Variants in SH3D21 observed in about 807,000 individuals in gnomAD.
SH3D21 encodes manchette microtubule inner protein 1, also known as SH3 domain-containing protein 21.
In SH3D21, 83 loss-of-function variants were observed where a neutral mutation model predicts 82.1. The observed-to-expected ratio is 1.01, with a 90% confidence interval of 0.85 to 1.21. SH3D21 has a LOEUF of 1.21. Ranked by LOEUF, SH3D21 falls within the 50% of genes most tolerant of loss-of-function variation. The pLI, the probability that SH3D21 is intolerant of heterozygous loss-of-function variation, is 0.00. For synonymous variants in SH3D21, 383 were observed against 387.8 expected, an observed-to-expected ratio of 0.99 and a Z score of 0.15; for missense variants, 980 against 962.1, an observed-to-expected ratio of 1.02 and a Z score of -0.25.
At position 36,308,100 on chromosome 1, in the gene SH3D21, T is replaced by C. The variant is rs2124671766; in HGVS notation, c.539-9T>C. 1 of 1,546,042 alleles carries C rather than the reference T, an allele frequency of 6.5e-7. No individual in the cohort carries two copies. Among genetic ancestry groups the C allele is most frequent in the East Asian group, 2.4e-5 (1 of 40,864 alleles). ...GGCTTCAGAGGACAGTGGACTGACC[T>C]CTTCCCAGTCTCCCACCCTGAGGTC... On this transcript the variant is annotated splice_polypyrimidine_tract_variant and intron_variant, in intron 7 of 15. Coordinates refer to ENST00000453908, the MANE Select transcript of SH3D21 (RefSeq NM_001162530.2).
chr1:36,320,428 C>G lies in SH3D21; in HGVS notation c.1765C>G (p.Pro589Ala). The change falls in exon 14 of 16, where the codon CCA becomes GCA. Residue 589 changes from proline (P) to alanine (A), a missense_variant. Physicochemically the swap from Pro to Ala is conservative, Grantham distance 27 (BLOSUM62 -1). Transcript: ENST00000453908. Reference protein sequence around the residue: ...PHPHEEATTLPEEAPSNDERT... With the variant: ...PHPHEEATTLAEEAPSNDERT... Reference sequence around the variant, plus strand: ...CCCCCACGAAGAGGCTACAACCCTTCCAGAGGAGGCACCTTCCAATGACGA... The same window carrying G: ...CCCCCACGAAGAGGCTACAACCCTTGCAGAGGAGGCACCTTCCAATGACGA... 1 of 1,612,976 alleles carries G rather than the reference C, an allele frequency of 6.2e-7. No individual in the cohort carries two copies. The highest frequency in any genetic ancestry group is 8.5e-7 in the Non-Finnish European group (1 of 1,179,656).
chr1:36,320,187 G>A lies in SH3D21; in HGVS notation c.1524G>A (p.Ser508=), dbSNP rs373656908. 3.7e-6 allele frequency: 6 copies of A among 1,613,464 alleles called. No individual in the cohort carries two copies. Among genetic ancestry groups the A allele is most frequent in the Admixed American group, 3.3e-5 (2 of 60,028 alleles). The change falls in exon 14 of 16, where the codon TCG becomes TCA. Residue 508 remains serine, a synonymous_variant. Transcript: ENST00000453908. Reference sequence around the variant, plus strand: ...ACATTCAATTCCATCACTTCTCTTCGGAGGAAGCCCTGCAGAAGGTCAAGT... The same window carrying A: ...ACATTCAATTCCATCACTTCTCTTCAGAGGAAGCCCTGCAGAAGGTCAAGT... ...RDDIQFHHFS[S]EEALQKVKYF...
intron 12 of SH3D21, 38 bp from the exon 13 acceptor site, chr1:36,319,404 C>T (rs1227042435): frequency 6.4e-7 from 1 of 1,550,704 alleles, no homozygotes; most frequent in Admixed American, 2.0e-5. Flanking sequence ...GACTGAGGGT[C>T]AGAGTAGGCT....
At position 36,307,605 on chromosome 1, in the gene SH3D21, C is replaced by T; in HGVS notation, c.434C>T (p.Pro145Leu). The T allele has an allele frequency of 6.4e-7, 1 of 1,551,544 alleles. No individual in the cohort carries two copies. Among genetic ancestry groups the T allele is most frequent in the South Asian group, 1.2e-5 (1 of 84,042 alleles). ...GTGGAATTGCTGGACAGTGGGCCCC[C>T]AAGTGAGACCTCGACTCTGTGACCC... ...NFVELLDSGP[P>L]SLGNPDMPSV... Residue 145 changes from proline to leucine, a missense_variant and splice_region_variant, in exon 5 of 16, where the codon CCA becomes CTA. Pro to Leu is a moderately conservative substitution (Grantham distance 98). Coordinates refer to ENST00000453908, the MANE Select transcript of SH3D21 (RefSeq NM_001162530.2). This position sits in a 1 kb window ranked among gnomAD's most constrained non-coding sequence, Gnocchi z 5.4.
intron 10 of SH3D21, among the ~76,000 whole-genome samples, chr1:36,314,464 CT>C (rs56283418): frequency 4.0e-3 from 532 of 132,798 alleles, no homozygotes; most frequent in Middle Eastern, 0.012. Flanking sequence ...TTCTCCCATT[CT>C]TTTTTTTTTT....
rs551856822 is a variant in SH3D21, at chr1:36,307,080, C to T, written c.227-87C>T. ...CGCCCTGGGGCGGGGCTGGAGGGACCAAAGGCTACGTGCGCGCCTTGCGCT... is the reference window on the plus strand; with the variant it reads ...CGCCCTGGGGCGGGGCTGGAGGGACTAAAGGCTACGTGCGCGCCTTGCGCT... On this transcript the variant is annotated intron_variant, in intron 3 of 15. Transcript: ENST00000453908. This position sits in a 1 kb window ranked among gnomAD's most constrained non-coding sequence, Gnocchi z 5.4. 1.6e-4 allele frequency: 244 copies of T among 1,530,290 alleles called. No individual in the cohort carries two copies. The African/African-American group carries it at 2.9e-3, about 18-fold the overall frequency. 94.8% of individuals were successfully genotyped at this position (1,530,290 alleles called of 1,614,324 possible).
chr1:36,326,630 G>A (rs905543444), downstream of SH3D21, among the ~76,000 whole-genome samples: 6 of 152,178 alleles, frequency 3.9e-5, no homozygotes, highest in Non-Finnish European at 7.3e-5. Context: ...TCCCTGTGGT[G>A]GCTCAGTGTA....
Position 36,319,073 on chromosome 1 carries a change from C to G in SH3D21, c.772C>G (p.Pro258Ala). 1 of 1,538,482 alleles carries G rather than the reference C, an allele frequency of 6.5e-7. No homozygotes were observed. The highest frequency in any genetic ancestry group is 2.4e-5 in the East Asian group (1 of 40,844). Residue 258 changes from proline to alanine, a missense_variant and splice_region_variant, in exon 11 of 16, where the codon CCT (proline) becomes GCT (alanine). By Grantham distance (27) the Pro-to-Ala change is conservative. Transcript: ENST00000453908. Reference sequence around the variant, plus strand: ...GTGCTCCACTCCTCTCTTCCCAGCTCCTATTAAGGAACCAAAAAAGTTGAT... The same window carrying G: ...GTGCTCCACTCCTCTCTTCCCAGCTGCTATTAAGGAACCAAAAAAGTTGAT... ...PRKVVSRESA[P>A]IKEPKKLMPK...
At chr1:36,313,712 G>A (rs908068175) in intron 10 of SH3D21, among the ~76,000 whole-genome samples, 65 of 151,788 alleles carry the variant, frequency 4.3e-4, no homozygotes, top group Admixed American at 2.6e-4. Flanking sequence ...CTATAGGTGT[G>A]CACCACCACA....
chr1:36,307,090 G>A lies in SH3D21; in HGVS notation c.227-77G>A. 6.5e-7 allele frequency: 1 copy of A among 1,537,906 alleles called. No homozygotes were observed. The highest frequency in any genetic ancestry group is 8.8e-7 in the Non-Finnish European group (1 of 1,139,568). ...CGGGGCTGGAGGGACCAAAGGCTAC[G>A]TGCGCGCCTTGCGCTTCCCCCAGCT... is the stretch of plus-strand genomic sequence containing the variant. On this transcript the variant is annotated intron_variant, in intron 3 of 15. Transcript: ENST00000453908. The surrounding 1 kb of genome is among the most constrained non-coding windows in gnomAD (Gnocchi z 5.4).
intron 10 of SH3D21, among the ~76,000 whole-genome samples, chr1:36,313,530 T>TTATG (rs1646280481): frequency 6.6e-6 from 1 of 152,082 alleles, no homozygotes; most frequent in South Asian, 2.1e-4. Flanking sequence ...TTTAACTATT[T>TTATG]TATGTAAGTT....
chr1:36,326,552 G>A (rs979464258), downstream of SH3D21, among the ~76,000 whole-genome samples: 1 of 152,212 alleles, frequency 6.6e-6, no homozygotes, highest in Admixed American at 6.5e-5. Context: ...TTTAATGTAA[G>A]TGTGGTGGGG....
intron 10 of SH3D21, among the ~76,000 whole-genome samples, chr1:36,317,058 T>G (rs1557480887): frequency 6.6e-6 from 1 of 152,324 alleles, no homozygotes; most frequent in Admixed American, 6.5e-5. Context: ...ATATAATTGC[T>G]TCCTAGTGGG....
In SH3D21 at chr1:36,321,162, GCTGGGGCCAC is replaced by G; in HGVS notation, c.*37_*46del. ...TGGGAAGGGACCGCGGCCTGACCTG[GCTGGGGCCAC>G]CCACGTCCTTGCACACGACTTTGGG... is the stretch of plus-strand genomic sequence containing the variant. On this transcript the variant is annotated 3_prime_UTR_variant, in exon 16 of 16. Coordinates refer to ENST00000453908, the MANE Select transcript of SH3D21 (RefSeq NM_001162530.2). The surrounding 1 kb of genome is among the most constrained non-coding windows in gnomAD (Gnocchi z 6.1). 6.2e-7 allele frequency: 1 copy of G among 1,600,658 alleles called. No homozygotes were observed. The highest frequency in any genetic ancestry group is 8.5e-7 in the Non-Finnish European group (1 of 1,174,174).
Position 36,307,071 on chromosome 1 carries a change from T to C in SH3D21, c.227-96T>C, listed in dbSNP as rs1440844591. ...GCAATGCTCCGCCCTGGGGCGGGGC[T>C]GGAGGGACCAAAGGCTACGTGCGCG... On this transcript the variant is annotated intron_variant, in intron 3 of 15. Coordinates refer to ENST00000453908, the MANE Select transcript of SH3D21 (RefSeq NM_001162530.2). The surrounding 1 kb of genome is among the most constrained non-coding windows in gnomAD (Gnocchi z 5.4). 1.4e-5 allele frequency: 22 copies of C among 1,519,904 alleles called. No individual in the cohort carries two copies. Among genetic ancestry groups the C allele is most frequent in the Non-Finnish European group, 1.9e-5 (21 of 1,130,452 alleles). The allele number at this position is 1,519,904 out of a possible 1,614,324, so 94.2% of individuals were successfully genotyped here. A position where few individuals can be genotyped will look rare whatever the true frequency, so the allele number is the denominator to read the frequency against.
At chr1:36,322,400 G>A, downstream of SH3D21, 1 of 1,599,616 alleles carries the variant, frequency 6.3e-7, no homozygotes, top group Non-Finnish European at 8.5e-7. Context: ...TCTCCCGCAG[G>A]ATCCGTTCGC....
downstream of SH3D21, chr1:36,321,810 G>T: frequency 9.9e-7 from 1 of 1,006,504 alleles, no homozygotes; most frequent in Admixed American, 5.4e-5. The surrounding 1 kb of genome is among the most constrained non-coding windows in gnomAD (Gnocchi z 6.1). Flanking sequence ...AGGAATGCGC[G>T]CGCGCTTGCT....
At position 36,313,964 on chromosome 1, in the gene SH3D21, C is replaced by T. The variant is rs182503995; in HGVS notation, c.769+4374C>T. Among the ~76,000 whole-genome samples the T allele has an allele frequency of 2.6e-3, 160 of 61,608 alleles. 4 individuals carry two copies. Among genetic ancestry groups the T allele is most frequent in the East Asian group, 0.02 (41 of 2,040 alleles). 40.4% of individuals were successfully genotyped at this position (61,608 alleles called of 152,430 possible). A position where few individuals can be genotyped will look rare whatever the true frequency, so the allele number is the denominator to read the frequency against. Reference sequence around the variant, plus strand: ...TTCTCTGATGGCTAATGATGCTGAACATATTTTCTTTTTTTTTTTTTTTTT... The same window carrying T: ...TTCTCTGATGGCTAATGATGCTGAATATATTTTCTTTTTTTTTTTTTTTTT... On this transcript the variant is annotated intron_variant, in intron 10 of 15. Coordinates refer to ENST00000453908, the MANE Select transcript of SH3D21 (RefSeq NM_001162530.2).
downstream of SH3D21, chr1:36,321,407 T>G: frequency 7.7e-7 from 1 of 1,291,288 alleles, no homozygotes; most frequent in Non-Finnish European, 1.0e-6. This position sits in a 1 kb window ranked among gnomAD's most constrained non-coding sequence, Gnocchi z 6.1. Context: ...GGAGGGTGTC[T>G]CCTTCGGACT....
Sources: gnomAD v4.1 joint callset for allele counts (sites outside exome capture counted in the v4.1 genomes callset) on GRCh38, gnomAD v4.1.1 for gene constraint, Gnocchi (gnomAD v3.1) non-coding constraint, MANE v1.5 for transcripts, NCBI Gene and HGNC (gene_info 2026-07-23, HGNC 2026-07-21) for gene names.